Variants in COL24A1 observed in about 807,000 individuals in gnomAD.
COL24A1 encodes collagen alpha-1(XXIV) chain.
In COL24A1, 224 loss-of-function variants were observed where a neutral mutation model predicts 253.9. The observed-to-expected ratio is 0.88, with a 90% confidence interval of 0.79 to 0.99. The LOEUF is 0.99. COL24A1 is among the 50% of genes least tolerant of loss of function. The probability of loss-of-function intolerance (pLI) is 0.00; values close to 1 mark genes in which losing one functional copy is unlikely to be tolerated. For missense variants in COL24A1, 2,131 were observed against 2,068.5 expected (o/e 1.03, Z -0.59); for synonymous variants, 685 against 673.7 (o/e 1.02, Z -0.26).
chr1:85,734,934 T>C lies in COL24A1; in HGVS notation c.4813A>G (p.Asn1605Asp). The change falls in exon 59 of 60, where the codon AAC (asparagine) becomes GAC (aspartate). Residue 1605 changes from asparagine (N) to aspartate (D), a missense_variant. By Grantham distance (23) the Asn-to-Asp change is conservative (BLOSUM62 1). Coordinates refer to ENST00000370571, the MANE Select transcript of COL24A1 (RefSeq NM_152890.7). ...TCCGAACTCAGTAAATGAAGGAAGT[T>C]CATCTGGACTTTCCCAACTCCAAAC... ...LEFGVGKVQM[N>D]FLHLLSSEAT... The C allele has an allele frequency of 6.2e-7, 1 of 1,614,176 alleles. No individual in the cohort carries two copies. The highest frequency in any genetic ancestry group is 8.5e-7 in the Non-Finnish European group (1 of 1,180,018).
intron 41 of COL24A1, 72 bp downstream of exon 41, chr1:85,841,996 T>C (rs745312561): frequency 8.2e-5 from 109 of 1,327,030 alleles, no homozygotes; most frequent in Non-Finnish European, 1.1e-4. Context: ...AATTTTTCCA[T>C]GCAGTCTTTC....
At chr1:86,037,764 T>C (rs1004169409) in intron 12 of COL24A1, among the ~76,000 whole-genome samples, 2 of 152,002 alleles carry the variant, frequency 1.3e-5, no homozygotes, top group African/African-American at 4.8e-5. Flanking sequence ...GTGGTATTTG[T>C]TATGTATCAA....
intron 53 of COL24A1, among the ~76,000 whole-genome samples, chr1:85,768,106 T>C (rs1259442014): frequency 6.6e-6 from 1 of 152,146 alleles, no homozygotes; most frequent in Non-Finnish European, 1.5e-5. Flanking sequence ...GAGACCTGAA[T>C]ATTGAGATAA....
chr1:86,004,324 C>T lies in COL24A1; in HGVS notation c.2310+12827G>A, dbSNP rs184167924. Among the ~76,000 whole-genome samples, 7 of 152,206 alleles carry T rather than the reference C, an allele frequency of 4.6e-5. No homozygotes were observed. The East Asian group carries it at 1.2e-3, about 25-fold the overall frequency. ...TACTATCTAGAGGCTTACAGAATGCCTGATCCACAGACATGAAACCTCACA... is the reference window on the plus strand; with the variant it reads ...TACTATCTAGAGGCTTACAGAATGCTTGATCCACAGACATGAAACCTCACA... On this transcript the variant is annotated intron_variant, in intron 19 of 59. Coordinates refer to ENST00000370571, the MANE Select transcript of COL24A1 (RefSeq NM_152890.7).
Position 85,987,599 on chromosome 1 carries a change from A to C in COL24A1, c.2364+2T>G. The C allele has an allele frequency of 6.2e-7, 1 of 1,608,786 alleles. No homozygotes were observed. The highest frequency in any genetic ancestry group is 1.1e-5 in the South Asian group (1 of 90,524). On this transcript the variant is annotated splice_donor_variant, in intron 20 of 59. Transcript: ENST00000370571. LOFTEE classifies it high-confidence loss of function. ...TAGTCTCTCTCTTCTTCTTCTTCTT[A>C]CCTTTGGTCCTTCAGGGCCGTTTTG...
In COL24A1 at chr1:85,873,828, T is replaced by TAAAAA. The variant is rs10631015; in HGVS notation, c.3138+816_3138+820dup. On this transcript the variant is annotated intron_variant, in intron 35 of 59. Transcript: ENST00000370571. Reference sequence around the variant, plus strand: ...CATGTACCCTAGAACTTAAAATACATAAAAAAAAAAGACTAAGGCTCCGGT... The same window carrying TAAAAA: ...CATGTACCCTAGAACTTAAAATACATAAAAAAAAAAAAAAAGACTAAGGCTCCGGT... 3.2e-3 allele frequency among the ~76,000 whole-genome samples: 482 copies of TAAAAA among 148,458 alleles called. 12 individuals carry two copies. The East Asian group carries it at 0.057, about 18-fold the overall frequency.
intron 48 of COL24A1, among the ~76,000 whole-genome samples, chr1:85,784,775 G>A (rs1477550253): frequency 6.6e-6 from 1 of 152,046 alleles, no homozygotes; most frequent in East Asian, 1.9e-4. Flanking sequence ...CTGTTGCCCA[G>A]GCTGTAGTGC....
chr1:85,775,534 C>G (rs1427492116), intron 53 of COL24A1, 140 bp downstream of exon 53: 5 of 686,450 alleles, frequency 7.3e-6, no homozygotes, highest in Non-Finnish European at 1.2e-5. Flanking sequence ...GTTAATTCTA[C>G]TTCCTGACAA....
At chr1:86,054,457 C>T (rs1349053608) in intron 10 of COL24A1, among the ~76,000 whole-genome samples, 1 of 151,562 alleles carries the variant, frequency 6.6e-6, no homozygotes, top group Non-Finnish European at 1.5e-5. Flanking sequence ...AAGAAAAAAA[C>T]AAATAACTTT....
intron 3 of COL24A1, 66 bp downstream of exon 3, chr1:86,124,779 G>A (rs936994858): frequency 8.2e-5 from 99 of 1,214,076 alleles, no homozygotes; most frequent in South Asian, 1.3e-4. Context: ...TCTTTAAAAT[G>A]TATTTTAAAG....
intron 12 of COL24A1, among the ~76,000 whole-genome samples, chr1:86,039,181 T>C (rs753252923): frequency 5.3e-5 from 8 of 152,122 alleles, no homozygotes; most frequent in Non-Finnish European, 1.0e-4. Flanking sequence ...CAGAGCAAGT[T>C]TCTCTGTTGC....
At chr1:86,147,212 C>T (rs987978392) in intron 1 of COL24A1, among the ~76,000 whole-genome samples, 2 of 151,982 alleles carry the variant, frequency 1.3e-5, no homozygotes, top group African/African-American at 4.8e-5. Flanking sequence ...TGTTTTTTAC[C>T]TTTACCAACT....
At chr1:85,845,915 T>A (rs1383453268) in intron 39 of COL24A1, among the ~76,000 whole-genome samples, 1 of 151,820 alleles carries the variant, frequency 6.6e-6, no homozygotes, top group Non-Finnish European at 1.5e-5. Flanking sequence ...AAAGTTCACA[T>A]GAAAGAGGAA....
At chr1:86,051,183 CATT>C (rs984205848) in intron 10 of COL24A1, among the ~76,000 whole-genome samples, 5 of 152,072 alleles carry the variant, frequency 3.3e-5, no homozygotes, top group African/African-American at 1.2e-4. Context: ...GTTCAACAAA[CATT>C]ATTTTAGTAG....
At chr1:85,891,844 C>T (rs1019433468) in intron 31 of COL24A1, among the ~76,000 whole-genome samples, 1 of 152,004 alleles carries the variant, frequency 6.6e-6, no homozygotes, top group South Asian at 2.1e-4. Context: ...TGCAAAGCTA[C>T]GAAATAATTT....
intron 24 of COL24A1, among the ~76,000 whole-genome samples, chr1:85,945,959 C>T (rs1689286044): frequency 6.6e-6 from 1 of 152,122 alleles, no homozygotes; most frequent in Non-Finnish European, 1.5e-5. Context: ...AAATGGCCTG[C>T]TTACAAGACT....
chr1:86,027,753 A>C (rs1389062132), intron 14 of COL24A1, among the ~76,000 whole-genome samples: 2 of 152,156 alleles, frequency 1.3e-5, no homozygotes, highest in Admixed American at 1.3e-4. Flanking sequence ...GAGCTGTGAG[A>C]AGAGGGCCAC....
intron 36 of COL24A1, 43 bp downstream of exon 36, chr1:85,868,739 A>G: frequency 7.0e-7 from 1 of 1,426,950 alleles, no homozygotes; most frequent in Non-Finnish European, 9.5e-7. Context: ...TAAAGATTTT[A>G]CAAAACATCT....
At chr1:86,065,698 G>A (rs1220428436) in intron 7 of COL24A1, among the ~76,000 whole-genome samples, 1 of 151,010 alleles carries the variant, frequency 6.6e-6, no homozygotes, top group Non-Finnish European at 1.5e-5. Flanking sequence ...AGATGCTGAG[G>A]TGGGAGGGTT....
Sources: gnomAD v4.1 joint callset for allele counts (sites outside exome capture counted in the v4.1 genomes callset) on GRCh38, gnomAD v4.1.1 for gene constraint, MANE v1.5 for transcripts, NCBI Gene and HGNC (gene_info 2026-07-23, HGNC 2026-07-21) for gene names.